TNFSF4: variants seen among roughly 807,000 people sequenced by gnomAD.
TNFSF4 encodes tumor necrosis factor ligand superfamily member 4.
In TNFSF4, 4 loss-of-function variants were observed where a neutral mutation model predicts 7.3. The ratio of observed to expected loss-of-function variants is 0.55; its 90% CI spans 0.27 to 1.25. TNFSF4 has a LOEUF of 1.25. Ranked by LOEUF, TNFSF4 falls within the 50% of genes most tolerant of loss-of-function variation. TNFSF4 has a pLI of 0.12. For synonymous variants in TNFSF4, 76 were observed against 83.7 expected (o/e 0.91, Z 0.50); for missense variants, 181 against 208.8 (o/e 0.87, Z 0.82).
chr1:173,313,149 A>C, the TNFSF4 span, among the ~76,000 whole-genome samples: 1 of 152,124 alleles, frequency 6.6e-6, no homozygotes, highest in Non-Finnish European at 1.5e-5. Flanking sequence ...GGGGAGGAGG[A>C]GAAAAGGGTC....
the TNFSF4 span, among the ~76,000 whole-genome samples, chr1:173,419,177 A>T: frequency 6.6e-6 from 1 of 151,892 alleles, no homozygotes; most frequent in Non-Finnish European, 1.5e-5. Flanking sequence ...ATCTCTACCA[A>T]AAAAATACAA....
chr1:173,316,658 C>A, the TNFSF4 span, among the ~76,000 whole-genome samples: 1 of 151,942 alleles, frequency 6.6e-6, no homozygotes, highest in South Asian at 2.1e-4. Context: ...TATATATTTG[C>A]AAAATATAAT....
chr1:173,276,066 T>C, the TNFSF4 span, among the ~76,000 whole-genome samples: 1 of 152,180 alleles, frequency 6.6e-6, no homozygotes, highest in East Asian at 1.9e-4. Context: ...AAATGTGTAA[T>C]AGATGTTTCC....
At chr1:173,397,923 G>A in the TNFSF4 span, among the ~76,000 whole-genome samples, 1 of 152,308 alleles carries the variant, frequency 6.6e-6, no homozygotes, top group Admixed American at 6.5e-5. Flanking sequence ...CTTGGGGAAT[G>A]ACATAGATTA....
chr1:173,285,762 G>A, the TNFSF4 span, among the ~76,000 whole-genome samples: 2 of 152,120 alleles, frequency 1.3e-5, no homozygotes, highest in African/African-American at 4.8e-5. Context: ...ATTATTTTTA[G>A]ACGTGATGCT....
chr1:173,443,019 T>A, the TNFSF4 span, among the ~76,000 whole-genome samples: 19 of 152,320 alleles, frequency 1.2e-4, no homozygotes, highest in East Asian at 3.7e-3. Context: ...TCAGAATATG[T>A]AAGTCTAACA....
At chr1:173,248,837 G>A in the TNFSF4 span, among the ~76,000 whole-genome samples, 1 of 152,102 alleles carries the variant, frequency 6.6e-6, no homozygotes, top group Non-Finnish European at 1.5e-5. Flanking sequence ...TATATATACG[G>A]CATCTAGTGG....
chr1:173,272,211 G>GT, the TNFSF4 span, among the ~76,000 whole-genome samples: 220 of 152,168 alleles, frequency 1.4e-3, no homozygotes, highest in African/African-American at 5.1e-3. Context: ...GTGGTGGGGG[G>GT]TGCAGAGAGC....
downstream of TNFSF4, among the ~76,000 whole-genome samples, chr1:173,178,750 T>C (rs2101973982): frequency 6.6e-6 from 1 of 152,286 alleles, no homozygotes; most frequent in African/African-American, 2.4e-5. Context: ...TATGCTCTAA[T>C]GCCTGAAGCC....
At chr1:173,364,315 CTTG>C in the TNFSF4 span, among the ~76,000 whole-genome samples, 1 of 146,142 alleles carries the variant, frequency 6.8e-6, no homozygotes, top group Non-Finnish European at 1.5e-5. Context: ...ATTTCATCAT[CTTG>C]TTTTTAAGTT....
chr1:173,433,474 C>T, the TNFSF4 span, among the ~76,000 whole-genome samples: 1 of 151,902 alleles, frequency 6.6e-6, no homozygotes, highest in Non-Finnish European at 1.5e-5. Flanking sequence ...GTTGGTGGAA[C>T]TCTTGAGTCC....
At chr1:173,212,219 G>A (rs1233456878), upstream of TNFSF4, among the ~76,000 whole-genome samples, 2 of 152,152 alleles carry the variant, frequency 1.3e-5, no homozygotes, top group Non-Finnish European at 2.9e-5. Context: ...TGAGAGACCT[G>A]CTTTCATGAC....
At chr1:173,379,181 A>G in the TNFSF4 span, among the ~76,000 whole-genome samples, 4 of 152,160 alleles carry the variant, frequency 2.6e-5, no homozygotes, top group African/African-American at 9.7e-5. Flanking sequence ...AGTCAAGTAA[A>G]TGATACAATG....
chr1:173,350,399 C>T, the TNFSF4 span, among the ~76,000 whole-genome samples: 1 of 152,180 alleles, frequency 6.6e-6, no homozygotes, highest in Non-Finnish European at 1.5e-5. Flanking sequence ...CCATATAAAA[C>T]ATATCAATAA....
chr1:173,419,111 G>A, the TNFSF4 span, among the ~76,000 whole-genome samples: 1 of 152,118 alleles, frequency 6.6e-6, no homozygotes, highest in Non-Finnish European at 1.5e-5. Context: ...AGGCCAAGGC[G>A]GGCAGATCAC....
the TNFSF4 span, among the ~76,000 whole-genome samples, chr1:173,249,039 G>A: frequency 1.3e-5 from 2 of 152,148 alleles, no homozygotes; most frequent in Non-Finnish European, 2.9e-5. Flanking sequence ...GGTAAGAAAG[G>A]TAAATACGCA....
At chr1:173,180,563 T>G (rs1041174913), downstream of TNFSF4, among the ~76,000 whole-genome samples, 4 of 152,186 alleles carry the variant, frequency 2.6e-5, no homozygotes, top group African/African-American at 9.7e-5. Context: ...GACTTTCAAA[T>G]GTCTGCCTTT....
chr1:173,340,143 T>G, the TNFSF4 span, among the ~76,000 whole-genome samples: 1 of 152,058 alleles, frequency 6.6e-6, no homozygotes, highest in Non-Finnish European at 1.5e-5. Flanking sequence ...GAGACATCAG[T>G]TTTTTCCTGT....
At chr1:173,437,908 T>C in the TNFSF4 span, among the ~76,000 whole-genome samples, 1 of 92,978 alleles carries the variant, frequency 1.1e-5, no homozygotes, top group African/African-American at 2.8e-5. Context: ...AATGTTTTAC[T>C]CAGAACATAA....
Sources: gnomAD v4.1 joint callset for allele counts (sites outside exome capture counted in the v4.1 genomes callset) on GRCh38, gnomAD v4.1.1 for gene constraint, MANE v1.5 for transcripts, NCBI Gene and HGNC (gene_info 2026-07-23, HGNC 2026-07-21) for gene names.